PPP2R3A: variants seen among roughly 807,000 people sequenced by gnomAD.
PPP2R3A encodes the protein serine/threonine-protein phosphatase 2A regulatory subunit B'' subunit alpha.
A neutral mutation model predicts 106.9 loss-of-function variants in PPP2R3A; 80 were observed. The ratio of observed to expected loss-of-function variants is 0.75; its 90% CI spans 0.62 to 0.90. The LOEUF (loss-of-function observed/expected upper bound fraction) is 0.90. Among genes scored for constraint, PPP2R3A ranks in the 40% least tolerant of loss-of-function variants. The pLI is 0.00. For missense variants in PPP2R3A, 1,386 were observed against 1,350.4 expected (o/e 1.03, Z -0.41); for synonymous variants, 483 against 468.3 (o/e 1.03, Z -0.41).
rs78685079 is a variant in PPP2R3A at position 136,052,706 on chromosome 3, T to C, written c.2469+3345T>C. On this transcript the variant is annotated intron_variant, in intron 5 of 13. Transcript: ENST00000264977. ...AAATTAGAAACAGACAACAACAAAATCATAATTATGAGTTAACAGACATTT... is the reference window on the plus strand; with the variant it reads ...AAATTAGAAACAGACAACAACAAAACCATAATTATGAGTTAACAGACATTT... 2.5e-4 allele frequency among the ~76,000 whole-genome samples: 38 copies of C among 152,272 alleles called. No homozygotes were observed. In the East Asian group the frequency reaches 6.0e-3, roughly 24 times the overall value.
At chr3:136,057,658 T>C (rs915470695) in intron 5 of PPP2R3A, among the ~76,000 whole-genome samples, 3 of 152,130 alleles carry the variant, frequency 2.0e-5, no homozygotes, top group Non-Finnish European at 1.5e-5. Context: ...GAATAGACAT[T>C]GCATAAAAGG....
chr3:136,007,896 G>A (rs1933904014), intron 2 of PPP2R3A, among the ~76,000 whole-genome samples: 1 of 152,148 alleles, frequency 6.6e-6, no homozygotes, highest in Non-Finnish European at 1.5e-5. Context: ...ATGCCCGAGA[G>A]AAATCTTTGA....
intron 5 of PPP2R3A, among the ~76,000 whole-genome samples, chr3:136,069,478 G>A (rs1351391172): frequency 6.6e-6 from 1 of 152,176 alleles, no homozygotes; most frequent in Non-Finnish European, 1.5e-5. Context: ...TCAAGAGGCT[G>A]AGGGATGAGA....
At chr3:136,063,299 G>A (rs1936144855) in intron 5 of PPP2R3A, among the ~76,000 whole-genome samples, 1 of 152,150 alleles carries the variant, frequency 6.6e-6, no homozygotes, top group South Asian at 2.1e-4. Flanking sequence ...TTCAATGTTA[G>A]ACCTAAAACC....
intron 4 of PPP2R3A, among the ~76,000 whole-genome samples, chr3:136,044,337 C>G (rs72983437): frequency 0.011 from 1,650 of 151,924 alleles, 25 homozygotes; most frequent in African/African-American, 0.037. Context: ...AACTATATGC[C>G]AGGTATTGTG....
rs1485997261 is a variant in PPP2R3A, at chr3:136,145,837, A to T, written c.*671A>T. The T allele has an allele frequency of 6.6e-6, 1 of 152,488 alleles. No individual in the cohort carries two copies. The highest frequency in any genetic ancestry group is 2.4e-5 in the African/African-American group (1 of 41,446). The allele number at this position is 152,488 out of a possible 1,614,324, so 9.4% of individuals were successfully genotyped here. A position where few individuals can be genotyped will look rare whatever the true frequency, so the allele number is the denominator to read the frequency against. On this transcript the variant is annotated 3_prime_UTR_variant, in exon 14 of 14. Transcript: ENST00000264977. ...TCCCTGACTGTGGATCTTATATAAAATCTCAAGATAAAAAAACACTTCTTA... is the reference window on the plus strand; with the variant it reads ...TCCCTGACTGTGGATCTTATATAAATTCTCAAGATAAAAAAACACTTCTTA...
At chr3:136,011,751 C>T (rs1209481264) in intron 2 of PPP2R3A, among the ~76,000 whole-genome samples, 3 of 152,218 alleles carry the variant, frequency 2.0e-5, no homozygotes, top group African/African-American at 7.2e-5. Context: ...CGTAACTAGT[C>T]TAGCCTTGGT....
intron 3 of PPP2R3A, among the ~76,000 whole-genome samples, chr3:136,038,227 T>C (rs994618380): frequency 5.3e-5 from 8 of 152,072 alleles, no homozygotes; most frequent in African/African-American, 1.7e-4. Context: ...CATAATACCC[T>C]CCTGCTGTAT....
chr3:136,078,140 T>A lies in PPP2R3A; in HGVS notation c.2545-227T>A, dbSNP rs554987788. On this transcript the variant is annotated intron_variant, in intron 6 of 13. Transcript: ENST00000264977. Reference sequence around the variant, plus strand: ...GTGAAGGCAGTTGGGAAGTGAAGACTTGTGAGCAGAGAATTTTTTTTATTC... The same window carrying A: ...GTGAAGGCAGTTGGGAAGTGAAGACATGTGAGCAGAGAATTTTTTTTATTC... Among the ~76,000 whole-genome samples the A allele has an allele frequency of 5.5e-4, 84 of 152,328 alleles. 1 individual carries two copies. Among genetic ancestry groups the A allele is most frequent in the African/African-American group, 1.4e-3 (60 of 41,576 alleles).
chr3:136,063,765 C>G (rs1419670525), intron 5 of PPP2R3A, among the ~76,000 whole-genome samples: 21 of 150,312 alleles, frequency 1.4e-4, no homozygotes, highest in African/African-American at 4.4e-4. Context: ...AGTCAGGAAA[C>G]AACAGGTGCT....
intron 13 of PPP2R3A, among the ~76,000 whole-genome samples, chr3:136,128,707 G>C (rs1411815131): frequency 2.0e-5 from 3 of 152,124 alleles, no homozygotes; most frequent in African/African-American, 7.2e-5. Flanking sequence ...CAAATCAACA[G>C]AATATACATT....
At chr3:136,044,258 A>T (rs533817156) in intron 4 of PPP2R3A, among the ~76,000 whole-genome samples, 1 of 152,314 alleles carries the variant, frequency 6.6e-6, no homozygotes, top group East Asian at 1.9e-4. Context: ...AATAAGCACA[A>T]ATGAAGTATA....
intron 4 of PPP2R3A, among the ~76,000 whole-genome samples, chr3:136,044,570 CAAAAAAAA>C (rs1247139572): frequency 1.2e-4 from 9 of 76,070 alleles, no homozygotes; most frequent in Non-Finnish European, 9.5e-5. Context: ...GACCCTGTCT[CAAAAAAAA>C]AAAAAAAAAA....
At chr3:136,007,602 GGGCAGAAATC>G (rs1018804257) in intron 2 of PPP2R3A, among the ~76,000 whole-genome samples, 3 of 151,166 alleles carry the variant, frequency 2.0e-5, no homozygotes, top group Non-Finnish European at 4.4e-5. Flanking sequence ...TTTATTGTGG[GGGCAGAAATC>G]CCTCGATAAT....
rs780390411 is a variant in PPP2R3A, at chr3:136,001,604, C to G, written c.106C>G (p.His36Asp). 1.2e-5 allele frequency: 19 copies of G among 1,614,174 alleles called. No homozygotes were observed. Among genetic ancestry groups the G allele is most frequent in the Non-Finnish European group, 1.6e-5 (19 of 1,180,022 alleles). Reference sequence around the variant, plus strand: ...TATACATTATTGCACTGGAACCTGCCACACCTTCACACATGGAATTGACTG... The same window carrying G: ...TATACATTATTGCACTGGAACCTGCGACACCTTCACACATGGAATTGACTG... Reference protein sequence around the residue: ...QAIHYCTGTCHTFTHGIDCIV... With the variant: ...QAIHYCTGTCDTFTHGIDCIV... The change falls in exon 2 of 14, where the codon CAC becomes GAC. Residue 36 changes from histidine (H) to aspartate (D), a missense_variant. Transcript: ENST00000264977.
rs149840374 is a variant in PPP2R3A, at chr3:136,001,610, T to A, written c.112T>A (p.Phe38Ile). The stretch of plus-strand genomic sequence containing the variant: ...TTATTGCACTGGAACCTGCCACACC[T>A]TCACACATGGAATTGACTGCATTGT... ...IHYCTGTCHTFTHGIDCIVVH... is the reference protein window; with the variant it reads ...IHYCTGTCHTITHGIDCIVVH... Residue 38 changes from phenylalanine (F) to isoleucine (I), a missense_variant, in exon 2 of 14, where the codon TTC becomes ATC. Transcript: ENST00000264977. 7 of 1,614,048 alleles carry A rather than the reference T, an allele frequency of 4.3e-6. No homozygotes were observed. The African/African-American group carries it at 8.0e-5, about 18-fold the overall frequency.
chr3:136,112,961 C>T (rs1467625235), intron 13 of PPP2R3A, among the ~76,000 whole-genome samples: 6 of 151,934 alleles, frequency 3.9e-5, no homozygotes, highest in African/African-American at 7.2e-5. Context: ...GATAAAACCC[C>T]GTCTCTACTA....
Position 136,001,730 on chromosome 3 carries a change from G to A in PPP2R3A, c.232G>A (p.Gly78Arg), listed in dbSNP as rs145130777. The part of the protein sequence containing the change: ...LNSMFLPHEN[G>R]LSSAEGDYPQ... ...CTCTATGTTTCTACCCCATGAAAAT[G>A]GGCTTTCTTCGGCTGAAGGAGACTA... Residue 78 changes from glycine (G) to arginine (R), a missense_variant, in exon 2 of 14, where the codon GGG (glycine) becomes AGG (arginine). Gly to Arg is a moderately radical substitution (Grantham distance 125). Transcript: ENST00000264977. 4.3e-3 allele frequency: 7,020 copies of A among 1,614,088 alleles called. 22 individuals are homozygous for A. The highest frequency in any genetic ancestry group is 5.6e-3 in the Middle Eastern group (34 of 6,062).
chr3:136,139,928 C>G (rs1938788532), intron 13 of PPP2R3A, among the ~76,000 whole-genome samples: 1 of 151,182 alleles, frequency 6.6e-6, no homozygotes, highest in South Asian at 2.1e-4. Flanking sequence ...ATCGCTTGAA[C>G]CCAGGAGGTG....
Sources: allele counts gnomAD v4.1 joint callset (sites outside exome capture counted in the v4.1 genomes callset), GRCh38; gene constraint gnomAD v4.1.1; transcripts MANE v1.5; gene names NCBI Gene and HGNC (gene_info 2026-07-23, HGNC 2026-07-21).